Variants in ELFN1 observed in about 807,000 individuals in gnomAD.
The protein encoded by ELFN1 is extracellular leucine rich repeat and fibronectin type III domain containing 1.
In ELFN1, 6 loss-of-function variants were observed where a neutral mutation model predicts 7.6. That is an observed-to-expected ratio of 0.79 (90% CI 0.43 to 1.56). ELFN1 has a LOEUF of 1.56. ELFN1 is among the 40% of genes most tolerant of loss of function. ELFN1 has a pLI of 0.01. For synonymous variants in ELFN1, 657 were observed against 588.1 expected, an observed-to-expected ratio of 1.12 and a Z score of -1.70; for missense variants, 1,169 against 1,232.2, an observed-to-expected ratio of 0.95 and a Z score of 0.77.
chr7:1,717,100 G>T (rs1363278239), intron 3 of ELFN1, among the ~76,000 whole-genome samples: 2 of 152,194 alleles, frequency 1.3e-5, no homozygotes, highest in Non-Finnish European at 2.9e-5. Context: ...CCTTCTTGAT[G>T]CAGCCTCTCC....
At chr7:1,717,059 C>T (rs1779856199) in intron 3 of ELFN1, among the ~76,000 whole-genome samples, 3 of 152,142 alleles carry the variant, frequency 2.0e-5, no homozygotes, top group South Asian at 2.1e-4. Context: ...GGGGGAAAGG[C>T]GTGGAAGGAG....
At chr7:1,701,742 G>T (rs933010542) in intron 2 of ELFN1, among the ~76,000 whole-genome samples, 3 of 152,140 alleles carry the variant, frequency 2.0e-5, no homozygotes, top group African/African-American at 7.2e-5. Flanking sequence ...GTTTGAGGCT[G>T]CAGTGAGCTG....
intron 2 of ELFN1, among the ~76,000 whole-genome samples, chr7:1,688,665 T>C (rs1779102290): frequency 6.6e-6 from 1 of 152,232 alleles, no homozygotes; most frequent in South Asian, 2.1e-4. Context: ...TCCCTTGCAA[T>C]TGTGAGAATA....
At chr7:1,682,927 T>G (rs1451627829) in intron 1 of ELFN1, among the ~76,000 whole-genome samples, 1 of 152,192 alleles carries the variant, frequency 6.6e-6, no homozygotes, top group Non-Finnish European at 1.5e-5. Context: ...TGTTGGATTT[T>G]GTCAAATTAT....
upstream of ELFN1, among the ~76,000 whole-genome samples, chr7:1,667,137 G>A (rs1778683468): frequency 6.8e-6 from 1 of 147,744 alleles, no homozygotes; most frequent in African/African-American, 2.6e-5. This position sits in a 1 kb window ranked among gnomAD's most constrained non-coding sequence, Gnocchi z 8.2. Flanking sequence ...GCCCCCCCCC[G>A]AACTTTTTCT....
chr7:1,729,136 C>T (rs1780271140), intron 3 of ELFN1, among the ~76,000 whole-genome samples: 1 of 152,224 alleles, frequency 6.6e-6, no homozygotes, highest in Non-Finnish European at 1.5e-5. Flanking sequence ...GCTCAACTCA[C>T]TGCCAGGAGC....
rs890032557 is a variant in ELFN1, at chr7:1,720,100, C to T, written c.-294+10848C>T. On this transcript the variant is annotated intron_variant, in intron 3 of 3. Coordinates refer to ENST00000424383, the MANE Select transcript of ELFN1 (RefSeq NM_001128636.4). The stretch of plus-strand genomic sequence containing the variant: ...GAAATAAGACTCAGCTGACAGCATT[C>T]TGGCACAGTGTCCTTTGCGAGCCTG... Among the ~76,000 whole-genome samples, 29 of 152,250 alleles carry T rather than the reference C, an allele frequency of 1.9e-4. 1 individual carries two copies. The highest frequency in any genetic ancestry group is 7.0e-4 in the African/African-American group (29 of 41,466).
rs1202820486 is a variant in ELFN1, at chr7:1,673,691, G to A, written c.-549+3337G>A. On this transcript the variant is annotated intron_variant, in intron 1 of 3. Transcript: ENST00000424383. This position sits in a 1 kb window ranked among gnomAD's most constrained non-coding sequence, Gnocchi z 4.7. Reference sequence around the variant, plus strand: ...AGAGGAGCCTGGCTGCCTTGGAGCTGGCATCCCCAGATGGAAAGACAATGG... The same window carrying A: ...AGAGGAGCCTGGCTGCCTTGGAGCTAGCATCCCCAGATGGAAAGACAATGG... Among the ~76,000 whole-genome samples the A allele has an allele frequency of 6.6e-6, 1 of 152,192 alleles. No individual in the cohort carries two copies. The highest frequency in any genetic ancestry group is 1.5e-5 in the Non-Finnish European group (1 of 68,028).
intron 2 of ELFN1, among the ~76,000 whole-genome samples, chr7:1,699,483 AT>A (rs1465619789): frequency 6.6e-6 from 1 of 151,908 alleles, no homozygotes; most frequent in Non-Finnish European, 1.5e-5. Context: ...AAAAATTATT[AT>A]TTTTTAATTA....
At chr7:1,691,981 C>T (rs1026270489) in intron 2 of ELFN1, 3 of 152,262 alleles carry the variant, frequency 2.0e-5, no homozygotes, top group Non-Finnish European at 4.4e-5. Context: ...CCAGCAGTAC[C>T]AGGCTCCAGG....
At chr7:1,718,595 T>C (rs551831431) in intron 3 of ELFN1, among the ~76,000 whole-genome samples, 3 of 152,182 alleles carry the variant, frequency 2.0e-5, no homozygotes, top group Non-Finnish European at 2.9e-5. Flanking sequence ...AGAGCACTTC[T>C]GAGAGTACAA....
chr7:1,687,124 G>A (rs535870591), intron 1 of ELFN1, among the ~76,000 whole-genome samples: 2 of 152,282 alleles, frequency 1.3e-5, no homozygotes, highest in Admixed American at 1.3e-4. Flanking sequence ...AACTGAGTTG[G>A]GGGGAGGTGC....
chr7:1,714,070 G>A (rs1362327306), intron 3 of ELFN1, among the ~76,000 whole-genome samples: 6 of 152,200 alleles, frequency 3.9e-5, no homozygotes, highest in African/African-American at 1.2e-4. Flanking sequence ...TCACACGGGC[G>A]GGCTGGAAGG....
intron 3 of ELFN1, among the ~76,000 whole-genome samples, chr7:1,729,791 C>G (rs1177448531): frequency 6.6e-6 from 1 of 152,244 alleles, no homozygotes. Context: ...GCGTCTGTTC[C>G]TTTTCTCCTA....
Position 1,735,352 on chromosome 7 carries a change from C to A in ELFN1, c.-293-8952C>A, listed in dbSNP as rs1219933445. On this transcript the variant is annotated intron_variant, in intron 3 of 3. Coordinates refer to ENST00000424383, the MANE Select transcript of ELFN1 (RefSeq NM_001128636.4). This position sits in a 1 kb window ranked among gnomAD's most constrained non-coding sequence, Gnocchi z 5.9. ...CAGGCACTCGGCACCGTTCCCATAG[C>A]CCCTTGACCTTCCCCAGCACTCACC... is the stretch of plus-strand genomic sequence containing the variant. 6.6e-6 allele frequency among the ~76,000 whole-genome samples: 1 copy of A among 152,094 alleles called. No individual in the cohort carries two copies. The highest frequency in any genetic ancestry group is 1.5e-5 in the Non-Finnish European group (1 of 68,006).
chr7:1,736,911 C>G (rs934408789), intron 3 of ELFN1, among the ~76,000 whole-genome samples: 10 of 152,008 alleles, frequency 6.6e-5, no homozygotes, highest in Admixed American at 5.9e-4. Flanking sequence ...CTCCTCCCAC[C>G]CCTTCTGAGC....
intron 3 of ELFN1, among the ~76,000 whole-genome samples, chr7:1,719,624 C>A (rs1779956834): frequency 6.6e-6 from 1 of 152,162 alleles, no homozygotes; most frequent in South Asian, 2.1e-4. Context: ...GACTCTGATT[C>A]TGTGAGGACA....
chr7:1,714,382 C>T (rs1779764020), intron 3 of ELFN1, among the ~76,000 whole-genome samples: 4 of 152,320 alleles, frequency 2.6e-5, no homozygotes, highest in South Asian at 4.1e-4. Flanking sequence ...CAGAGCTGTC[C>T]GTTCACCACC....
chr7:1,737,376 C>T (rs886388658), intron 3 of ELFN1, among the ~76,000 whole-genome samples: 1 of 152,080 alleles, frequency 6.6e-6, no homozygotes, highest in African/African-American at 2.4e-5. Context: ...CCCTCCTGCT[C>T]CGGGTCTCGG....
Sources: allele counts gnomAD v4.1 joint callset (sites outside exome capture counted in the v4.1 genomes callset), GRCh38; gene constraint gnomAD v4.1.1; non-coding constraint Gnocchi (gnomAD v3.1); transcripts MANE v1.5; gene names NCBI Gene and HGNC (gene_info 2026-07-23, HGNC 2026-07-21).